Variants in FER1L6 observed in about 807,000 individuals in gnomAD.
The protein encoded by FER1L6 is fer-1-like protein 6.
Under a neutral mutation model 219.2 loss-of-function variants are expected in FER1L6, and 177 were observed. The ratio of observed to expected loss-of-function variants is 0.81; its 90% CI spans 0.71 to 0.91. FER1L6 has a LOEUF of 0.91. Ranked by LOEUF, FER1L6 falls within the 40% of genes least tolerant of loss-of-function variation. The pLI is 0.00. For synonymous variants in FER1L6, 768 were observed against 824.3 expected (o/e 0.93, Z 1.17); for missense variants, 2,153 against 2,259.9 (o/e 0.95, Z 0.96).
intron 13 of FER1L6, among the ~76,000 whole-genome samples, chr8:124,005,155 A>T (rs1013081158): frequency 1.3e-5 from 2 of 152,190 alleles, no homozygotes; most frequent in African/African-American, 2.4e-5. Context: ...ACCTTACATT[A>T]CTAGAAAACA....
At chr8:124,039,530 G>C (rs903096624) in intron 19 of FER1L6, among the ~76,000 whole-genome samples, 1 of 152,102 alleles carries the variant, frequency 6.6e-6, no homozygotes, top group Non-Finnish European at 1.5e-5. Context: ...TCGATGCTCC[G>C]GCATGGGTTA....
chr8:123,955,247 C>A (rs1294156103), intron 1 of FER1L6, among the ~76,000 whole-genome samples: 2 of 152,112 alleles, frequency 1.3e-5, no homozygotes, highest in Admixed American at 6.5e-5. Context: ...CCAGCTTGGG[C>A]AACAGAGCAA....
At chr8:124,117,313 G>A (rs1457537059) in intron 39 of FER1L6, among the ~76,000 whole-genome samples, 1 of 152,184 alleles carries the variant, frequency 6.6e-6, no homozygotes, top group Non-Finnish European at 1.5e-5. Flanking sequence ...GACAAAGTGA[G>A]TGATCCGTAA....
intron 18 of FER1L6, among the ~76,000 whole-genome samples, chr8:124,024,781 T>C (rs992814590): frequency 6.6e-6 from 1 of 152,258 alleles, no homozygotes; most frequent in African/African-American, 2.4e-5. Context: ...GAAATCTCCA[T>C]ACTGTTTTCC....
chr8:124,065,446 C>T (rs1245122278), intron 26 of FER1L6, among the ~76,000 whole-genome samples: 1 of 151,328 alleles, frequency 6.6e-6, no homozygotes, highest in Non-Finnish European at 1.5e-5. Context: ...ACAGCCTGCC[C>T]AGCAAATGGT....
intron 12 of FER1L6, among the ~76,000 whole-genome samples, chr8:123,988,467 G>A (rs890417123): frequency 7.9e-5 from 12 of 152,104 alleles, no homozygotes; most frequent in African/African-American, 2.7e-4. Context: ...CATGGAATAT[G>A]TCTCTCTTTT....
At chr8:124,106,550 G>A (rs567128704) in intron 39 of FER1L6, among the ~76,000 whole-genome samples, 8 of 152,002 alleles carry the variant, frequency 5.3e-5, no homozygotes, top group African/African-American at 1.7e-4. Flanking sequence ...AACCCTTCCC[G>A]GACTCTTGCT....
intron 18 of FER1L6, among the ~76,000 whole-genome samples, chr8:124,025,084 G>A (rs1039360915): frequency 6.6e-6 from 1 of 152,038 alleles, no homozygotes. Context: ...TGAGTTCCTT[G>A]TAGATTCTGG....
chr8:124,118,977 T>C, intron 40 of FER1L6, 33 bp downstream of exon 40: 3 of 1,553,558 alleles, frequency 1.9e-6, no homozygotes, highest in Non-Finnish European at 2.7e-6. Context: ...ACATCAGAAA[T>C]GGGAAGGGGC....
chr8:124,119,903 T>C lies in FER1L6; in HGVS notation c.*113T>C, dbSNP rs1823417235. ...CTGTGCTGAGTGCTAAGGGGACAGA[T>C]CAACCCTTCTTGGAAGAGATGGAAA... On this transcript the variant is annotated 3_prime_UTR_variant, in exon 41 of 41. Coordinates refer to ENST00000522917, the MANE Select transcript of FER1L6 (RefSeq NM_001039112.2). The C allele has an allele frequency of 1.0e-5, 11 of 1,082,342 alleles. No individual in the cohort carries two copies. Among genetic ancestry groups the C allele is most frequent in the African/African-American group, 4.7e-5 (3 of 63,224 alleles). The allele number at this position is 1,082,342 out of a possible 1,614,324, so 67.0% of individuals were successfully genotyped here.
intron 1 of FER1L6, among the ~76,000 whole-genome samples, chr8:123,856,241 A>ATG (rs1816640327): frequency 3.0e-5 from 2 of 67,460 alleles, no homozygotes; most frequent in African/African-American, 8.9e-5. Context: ...ATGTATATAC[A>ATG]TGTGTATGAG....
At chr8:123,869,961 A>G (rs1816898134) in intron 1 of FER1L6, among the ~76,000 whole-genome samples, 1 of 152,250 alleles carries the variant, frequency 6.6e-6, no homozygotes, top group Non-Finnish European at 1.5e-5. Context: ...AGACTTTTCA[A>G]CAAACAATAC....
At chr8:123,992,921 G>C (rs941357340) in intron 12 of FER1L6, among the ~76,000 whole-genome samples, 3 of 152,090 alleles carry the variant, frequency 2.0e-5, no homozygotes, top group African/African-American at 7.2e-5. Flanking sequence ...TTATTTCAAA[G>C]AATTTTTAAA....
At chr8:124,027,652 T>C (rs1174522950) in intron 18 of FER1L6, among the ~76,000 whole-genome samples, 1 of 152,216 alleles carries the variant, frequency 6.6e-6, no homozygotes, top group African/African-American at 2.4e-5. Flanking sequence ...CTTGAACTCC[T>C]AGGCTCAAGC....
chr8:124,093,312 T>C lies in FER1L6; in HGVS notation c.4553-1584T>C, dbSNP rs1427517875. Among the ~76,000 whole-genome samples the C allele has an allele frequency of 6.6e-5, 10 of 151,868 alleles. No individual in the cohort carries two copies. The South Asian group carries it at 8.3e-4, about 13-fold the overall frequency. On this transcript the variant is annotated intron_variant, in intron 34 of 40. Transcript: ENST00000522917. ...TAGGCAGGGACACAGACCCAAACCA[T>C]ATCACTTGCTCATGCCTTTGATGCT...
intron 1 of FER1L6, among the ~76,000 whole-genome samples, chr8:123,908,611 T>C (rs778678919): frequency 7.9e-5 from 12 of 152,228 alleles, no homozygotes; most frequent in Non-Finnish European, 1.2e-4. Flanking sequence ...ACAGGTTTTT[T>C]TTGGTGATAT....
At chr8:124,055,656 T>G (rs1240337697) in intron 22 of FER1L6, among the ~76,000 whole-genome samples, 2 of 152,264 alleles carry the variant, frequency 1.3e-5, no homozygotes, top group East Asian at 1.9e-4. Context: ...GTTGTCCTTC[T>G]GGAAAGTCCA....
In FER1L6 at chr8:124,010,675, G is replaced by T; in HGVS notation, c.1782G>T (p.Leu594=). The change falls in exon 14 of 41, where the codon CTG becomes CTT. Residue 594 remains leucine, a synonymous_variant. Transcript: ENST00000522917. ...ISSWGDQTFR[L]HWSNMLEKMA... ...CTTGGGGAGACCAGACCTTCAGGCT[G>T]CACTGGTCCAACATGCTGGAGAAAA... 1 of 1,613,902 alleles carries T rather than the reference G, an allele frequency of 6.2e-7. No homozygotes were observed. The highest frequency in any genetic ancestry group is 8.5e-7 in the Non-Finnish European group (1 of 1,179,948).
In FER1L6 at chr8:123,975,149, G is replaced by A; in HGVS notation, c.527-1G>A. 3 of 1,591,614 alleles carry A rather than the reference G, an allele frequency of 1.9e-6. No homozygotes were observed. Among genetic ancestry groups the A allele is most frequent in the Non-Finnish European group, 2.6e-6 (3 of 1,167,566 alleles). On this transcript the variant is annotated splice_acceptor_variant, in intron 7 of 40. Transcript: ENST00000522917. LOFTEE classifies it high-confidence loss of function. ...TGTGAGCTGTCAGGGTGCTTTCACAGGTCATCAGTTCTGCAACAAGTGGGC... is the reference window on the plus strand; with the variant it reads ...TGTGAGCTGTCAGGGTGCTTTCACAAGTCATCAGTTCTGCAACAAGTGGGC...
Sources: allele counts gnomAD v4.1 joint callset (sites outside exome capture counted in the v4.1 genomes callset), GRCh38; gene constraint gnomAD v4.1.1; transcripts MANE v1.5; gene names NCBI Gene and HGNC (gene_info 2026-07-23, HGNC 2026-07-21).